PDE1C: variants seen among roughly 807,000 people sequenced by gnomAD.
The protein encoded by PDE1C is dual specificity calcium/calmodulin-dependent 3',5'-cyclic nucleotide phosphodiesterase 1C.
PDE1C carries 62 observed loss-of-function variants against 93.1 expected under a neutral mutation model. The observed-to-expected ratio is 0.67, with a 90% confidence interval of 0.54 to 0.82. The LOEUF is 0.82. PDE1C is among the 40% of genes least tolerant of loss of function. The probability of loss-of-function intolerance (pLI) is 0.00; values close to 1 mark genes in which losing one functional copy is unlikely to be tolerated. For missense variants in PDE1C, 742 were observed against 884.6 expected (o/e 0.84, Z 2.04); for synonymous variants, 325 against 310.1 (o/e 1.05, Z -0.50).
chr7:31,867,045 C>CT (rs906677228), intron 6 of PDE1C, among the ~76,000 whole-genome samples: 1 of 152,148 alleles, frequency 6.6e-6, no homozygotes, highest in African/African-American at 2.4e-5. Context: ...TGCATACTAC[C>CT]TGGGGGCTCA....
At chr7:32,340,251 GA>G (rs1156477563) in intron 1 of PDE1C, among the ~76,000 whole-genome samples, 1 of 152,152 alleles carries the variant, frequency 6.6e-6, no homozygotes, top group Non-Finnish European at 1.5e-5. Flanking sequence ...AATGTCTTCA[GA>G]GCTAAAAAGG....
At chr7:31,969,909 G>T (rs913762395) in intron 2 of PDE1C, among the ~76,000 whole-genome samples, 1 of 151,908 alleles carries the variant, frequency 6.6e-6, no homozygotes, top group African/African-American at 2.4e-5. Context: ...ACCAAACACC[G>T]CATGTTCTCA....
intron 2 of PDE1C, among the ~76,000 whole-genome samples, chr7:32,198,701 C>A (rs1562570088): frequency 6.6e-6 from 1 of 152,206 alleles, no homozygotes; most frequent in Non-Finnish European, 1.5e-5. Context: ...AGAAACTTTT[C>A]TTTGACAGCT....
At chr7:31,659,266 A>C in the PDE1C span, among the ~76,000 whole-genome samples, 1 of 152,268 alleles carries the variant, frequency 6.6e-6, no homozygotes, top group Non-Finnish European at 1.5e-5. Flanking sequence ...CTATGAATAA[A>C]ATAAATAATT....
At chr7:32,244,810 A>T (rs988824212) in intron 1 of PDE1C, among the ~76,000 whole-genome samples, 2 of 152,144 alleles carry the variant, frequency 1.3e-5, no homozygotes, top group African/African-American at 4.8e-5. Flanking sequence ...CCTGGACATC[A>T]CTGCCCTACA....
intron 1 of PDE1C, among the ~76,000 whole-genome samples, chr7:32,380,429 G>A (rs932398259): frequency 1.2e-5 from 1 of 85,682 alleles, no homozygotes; most frequent in Non-Finnish European, 2.7e-5. Flanking sequence ...TGTATTTTTA[G>A]TAGAGACAGG....
chr7:32,393,773 A>G (rs1784793785), intron 1 of PDE1C, among the ~76,000 whole-genome samples: 1 of 152,220 alleles, frequency 6.6e-6, no homozygotes, highest in Admixed American at 6.5e-5. Flanking sequence ...TCCTTATGCC[A>G]CTTGAATTTG....
At chr7:31,680,500 C>A in the PDE1C span, among the ~76,000 whole-genome samples, 1 of 152,162 alleles carries the variant, frequency 6.6e-6, no homozygotes, top group Non-Finnish European at 1.5e-5. Flanking sequence ...TGGCAAGGGA[C>A]CTTGGTCTCT....
chr7:32,403,378 C>T (rs1039366473), intron 1 of PDE1C, among the ~76,000 whole-genome samples: 29 of 152,192 alleles, frequency 1.9e-4, no homozygotes, highest in African/African-American at 6.3e-4. Flanking sequence ...TTGTCCTTTT[C>T]TGAGTCCTAA....
intron 1 of PDE1C, among the ~76,000 whole-genome samples, chr7:32,344,826 T>C (rs983998184): frequency 6.6e-6 from 1 of 152,180 alleles, no homozygotes; most frequent in Admixed American, 6.5e-5. Flanking sequence ...TATTGATGCA[T>C]CCACAAGGCC....
chr7:32,388,745 T>G (rs1207401828), intron 1 of PDE1C, among the ~76,000 whole-genome samples: 5 of 151,520 alleles, frequency 3.3e-5, no homozygotes, highest in African/African-American at 1.2e-4. Context: ...CAGTGTATAT[T>G]TTTTAACCTT....
chr7:31,636,554 A>G, the PDE1C span, among the ~76,000 whole-genome samples: 1 of 152,156 alleles, frequency 6.6e-6, no homozygotes, highest in East Asian at 1.9e-4. Flanking sequence ...CCAAGGCTCA[A>G]CCTCTTCTGC....
chr7:32,247,983 G>A (rs1304624214), intron 1 of PDE1C, among the ~76,000 whole-genome samples: 1 of 152,118 alleles, frequency 6.6e-6, no homozygotes, highest in African/African-American at 2.4e-5. Flanking sequence ...AGGAAGGAAT[G>A]GATTTCATAA....
chr7:31,780,574 A>C (rs1456974569), intron 16 of PDE1C, among the ~76,000 whole-genome samples: 1 of 152,260 alleles, frequency 6.6e-6, no homozygotes, highest in Non-Finnish European at 1.5e-5. Flanking sequence ...GAGGTAAAAT[A>C]AAAGCAAATG....
chr7:32,274,387 T>C (rs920749340), intron 1 of PDE1C, among the ~76,000 whole-genome samples: 59 of 143,232 alleles, frequency 4.1e-4, no homozygotes, highest in African/African-American at 1.5e-3. Flanking sequence ...TTTTTTTTTT[T>C]CTTAAGAAAT....
intron 3 of PDE1C, among the ~76,000 whole-genome samples, chr7:32,119,925 T>C (rs1799202505): frequency 6.6e-6 from 1 of 152,204 alleles, no homozygotes; most frequent in Non-Finnish European, 1.5e-5. Flanking sequence ...GTCAAAGCCA[T>C]TTGAGCTCCT....
At chr7:32,099,468 A>C (rs1396733355) in intron 3 of PDE1C, among the ~76,000 whole-genome samples, 1 of 152,250 alleles carries the variant, frequency 6.6e-6, no homozygotes, top group Non-Finnish European at 1.5e-5. Flanking sequence ...TGTTGGATTA[A>C]GAGATATTCC....
intron 3 of PDE1C, among the ~76,000 whole-genome samples, chr7:32,113,563 T>C (rs890752936): frequency 1.3e-5 from 2 of 151,850 alleles, no homozygotes; most frequent in African/African-American, 4.8e-5. Flanking sequence ...TATCTAGTAA[T>C]GAAATAAATT....
chr7:32,371,892 A>C (rs215712), intron 1 of PDE1C, among the ~76,000 whole-genome samples: 136,976 of 152,084 alleles, frequency 0.9, 62,652 homozygotes, highest in East Asian at 1. Flanking sequence ...ACAATCTTGA[A>C]AAAGGCAAAC....
Sources: allele counts gnomAD v4.1 joint callset (sites outside exome capture counted in the v4.1 genomes callset), GRCh38; gene constraint gnomAD v4.1.1; transcripts MANE v1.5; gene names NCBI Gene and HGNC (gene_info 2026-07-23, HGNC 2026-07-21).